PPP1R9A: variants seen among roughly 807,000 people sequenced by gnomAD.
PPP1R9A encodes the protein neurabin-1.
Under a neutral mutation model 141.9 loss-of-function variants are expected in PPP1R9A, and 59 were observed. That is an observed-to-expected ratio of 0.42 (90% CI 0.34 to 0.52). PPP1R9A has a LOEUF of 0.52. Among genes scored for constraint, PPP1R9A ranks in the 20% least tolerant of loss-of-function variants. The probability of loss-of-function intolerance (pLI) is 0.10; values close to 1 mark genes in which losing one functional copy is unlikely to be tolerated. For synonymous variants in PPP1R9A, 500 were observed against 569.7 expected, an observed-to-expected ratio of 0.88 and a Z score of 1.74; for missense variants, 1,444 against 1,611.9, an observed-to-expected ratio of 0.90 and a Z score of 1.78.
intron 2 of PPP1R9A, among the ~76,000 whole-genome samples, chr7:94,978,093 G>A (rs1441950797): frequency 1.3e-5 from 2 of 152,134 alleles, no homozygotes; most frequent in Non-Finnish European, 2.9e-5. Context: ...CTGATATGAA[G>A]GGGATAAAGT....
chr7:94,988,252 AC>A (rs1213342869), intron 2 of PPP1R9A, among the ~76,000 whole-genome samples: 3 of 152,140 alleles, frequency 2.0e-5, no homozygotes, highest in Non-Finnish European at 2.9e-5. Context: ...CTCAGTTAAA[AC>A]AAAACAAAAA....
chr7:95,161,741 T>C (rs1048303092), intron 4 of PPP1R9A, 126 bp from the exon 5 acceptor site: 11 of 616,750 alleles, frequency 1.8e-5, no homozygotes, highest in Middle Eastern at 4.1e-4. Flanking sequence ...ATGTAAAAGA[T>C]AGATTTTGGA....
rs75102328 is a variant in PPP1R9A at position 95,296,074 on chromosome 7, G to A, written c.*5771G>A. 6.6e-6 allele frequency: 1 copy of A among 152,598 alleles called. No individual in the cohort carries two copies. Among genetic ancestry groups the A allele is most frequent in the African/African-American group, 2.4e-5 (1 of 41,428 alleles). The allele number at this position is 152,598 out of a possible 1,614,324, so 9.5% of individuals were successfully genotyped here. ...ATTGTTTGAAAATAATTTTAAGTCT[G>A]ATAAGTATGGATAGCATGTTACCTA... On this transcript the variant is annotated 3_prime_UTR_variant, in exon 20 of 20. Coordinates refer to ENST00000433360, the MANE Select transcript of PPP1R9A (RefSeq NM_001166160.2).
chr7:95,259,432 T>A (rs1800098354), intron 12 of PPP1R9A, among the ~76,000 whole-genome samples: 1 of 152,030 alleles, frequency 6.6e-6, no homozygotes, highest in African/African-American at 2.4e-5. Flanking sequence ...TATATTAGTT[T>A]AAGGTTTAGT....
In PPP1R9A at chr7:95,294,357, C is replaced by T. The variant is rs1272431024; in HGVS notation, c.*4054C>T. The T allele has an allele frequency of 6.9e-6, 1 of 144,612 alleles. No homozygotes were observed. Among genetic ancestry groups the T allele is most frequent in the Non-Finnish European group, 1.5e-5 (1 of 66,578 alleles). 9.0% of individuals were successfully genotyped at this position (144,612 alleles called of 1,614,324 possible). A position where few individuals can be genotyped will look rare whatever the true frequency, so the allele number is the denominator to read the frequency against. On this transcript the variant is annotated 3_prime_UTR_variant, in exon 20 of 20. Transcript: ENST00000433360. ...CATCATGTCTTACTGCAGCCTCAAA[C>T]TCCTGGGCTCAAGTGGTCCTCCTGC...
intron 4 of PPP1R9A, among the ~76,000 whole-genome samples, chr7:95,124,208 G>A (rs1385667433): frequency 6.6e-6 from 1 of 151,908 alleles, no homozygotes; most frequent in Non-Finnish European, 1.5e-5. Flanking sequence ...CTATTTAAAA[G>A]GTATCAACAT....
At chr7:95,183,288 C>G (rs1458201378) in intron 5 of PPP1R9A, among the ~76,000 whole-genome samples, 4 of 151,558 alleles carry the variant, frequency 2.6e-5, no homozygotes, top group Non-Finnish European at 5.9e-5. Context: ...CAGGCACTCA[C>G]CACCACGCCT....
At chr7:94,979,940 T>TTACCTGTAAA (rs1343301571) in intron 2 of PPP1R9A, among the ~76,000 whole-genome samples, 38 of 152,260 alleles carry the variant, frequency 2.5e-4, no homozygotes, top group Middle Eastern at 3.4e-3. Context: ...TTTTTAGTAT[T>TTACCTGTAAA]TACCTGTAAG....
intron 2 of PPP1R9A, among the ~76,000 whole-genome samples, chr7:94,950,569 G>A (rs1280251020): frequency 6.6e-6 from 1 of 151,884 alleles, no homozygotes; most frequent in East Asian, 1.9e-4. Context: ...GATTAAATTT[G>A]AGAGAATGTT....
chr7:95,147,590 G>A (rs1010479581), intron 4 of PPP1R9A, among the ~76,000 whole-genome samples: 3 of 152,132 alleles, frequency 2.0e-5, no homozygotes, highest in African/African-American at 7.2e-5. Context: ...TAAAGGGAAT[G>A]CTTGCAGCTT....
intron 2 of PPP1R9A, among the ~76,000 whole-genome samples, chr7:95,063,591 G>A (rs1161006783): frequency 6.6e-6 from 1 of 152,056 alleles, no homozygotes; most frequent in African/African-American, 2.4e-5. Flanking sequence ...AAATAAAGGT[G>A]CATCTTACCT....
At chr7:95,119,734 G>A (rs569130061) in intron 3 of PPP1R9A, among the ~76,000 whole-genome samples, 176 of 152,014 alleles carry the variant, frequency 1.2e-3, no homozygotes, top group Admixed American at 3.2e-3. Context: ...GATTACAGAC[G>A]TGAGCCACTG....
chr7:95,150,300 G>T (rs962651912), intron 4 of PPP1R9A, among the ~76,000 whole-genome samples: 4 of 152,104 alleles, frequency 2.6e-5, no homozygotes, highest in African/African-American at 9.6e-5. Flanking sequence ...GTATGGCAAT[G>T]ACTTTTTATT....
chr7:95,270,144 A>G (rs537924116), intron 14 of PPP1R9A, among the ~76,000 whole-genome samples: 3 of 152,152 alleles, frequency 2.0e-5, no homozygotes, highest in Non-Finnish European at 2.9e-5. Context: ...TGTGACAGAG[A>G]CTGTGTATCT....
chr7:94,962,834 G>C (rs1017564462), intron 2 of PPP1R9A, among the ~76,000 whole-genome samples: 2 of 152,092 alleles, frequency 1.3e-5, no homozygotes, highest in African/African-American at 2.4e-5. Flanking sequence ...AGTCAAGCTC[G>C]CATATTAACA....
intron 16 of PPP1R9A, among the ~76,000 whole-genome samples, chr7:95,279,949 G>A (rs1210521632): frequency 6.6e-6 from 1 of 152,100 alleles, no homozygotes; most frequent in Non-Finnish European, 1.5e-5. Flanking sequence ...ACTCATTAAG[G>A]GAATAGTTTC....
At chr7:95,261,105 C>G (rs1287144690) in intron 12 of PPP1R9A, among the ~76,000 whole-genome samples, 1 of 151,956 alleles carries the variant, frequency 6.6e-6, no homozygotes, top group African/African-American at 2.4e-5. Context: ...AAGATGCTAC[C>G]CAGTGTGGTT....
At chr7:95,181,741 TATTCC>T (rs1833876640) in intron 5 of PPP1R9A, among the ~76,000 whole-genome samples, 1 of 134,952 alleles carries the variant, frequency 7.4e-6, no homozygotes, top group East Asian at 2.1e-4. Context: ...AATATATATA[TATTCC>T]GTCACATATA....
chr7:94,943,294 G>A (rs1795539847), intron 2 of PPP1R9A, among the ~76,000 whole-genome samples: 1 of 152,170 alleles, frequency 6.6e-6, no homozygotes, highest in South Asian at 2.1e-4. Context: ...TTAAAGCTGA[G>A]CTTTCTAAAT....
Sources: gnomAD v4.1 joint callset for allele counts (sites outside exome capture counted in the v4.1 genomes callset) on GRCh38, gnomAD v4.1.1 for gene constraint, MANE v1.5 for transcripts, NCBI Gene and HGNC (gene_info 2026-07-23, HGNC 2026-07-21) for gene names.